MAGI2: variants seen among roughly 807,000 people sequenced by gnomAD.
MAGI2 encodes membrane associated guanylate kinase, WW and PDZ domain containing 2.
A neutral mutation model predicts 133.3 loss-of-function variants in MAGI2; 35 were observed. That is an observed-to-expected ratio of 0.26 (90% CI 0.20 to 0.35). The LOEUF is 0.35. Ranked by LOEUF, MAGI2 falls within the 10% of genes least tolerant of loss-of-function variation. The probability of loss-of-function intolerance (pLI) is 1.00; values close to 1 mark genes in which losing one functional copy is unlikely to be tolerated. For missense variants in MAGI2, 1,636 were observed against 1,863.4 expected (o/e 0.88, Z 2.25); for synonymous variants, 729 against 710.6 (o/e 1.03, Z -0.41).
intron 2 of MAGI2, among the ~76,000 whole-genome samples, chr7:78,906,542 A>G (rs996457278): frequency 6.6e-6 from 1 of 152,206 alleles, no homozygotes; most frequent in Admixed American, 6.5e-5. Flanking sequence ...CTCTACCAAC[A>G]TGGTTTATAA....
chr7:78,115,340 G>C (rs1470511725), intron 20 of MAGI2, among the ~76,000 whole-genome samples: 1 of 151,932 alleles, frequency 6.6e-6, no homozygotes, highest in Admixed American at 6.6e-5. Context: ...AAACTAATAG[G>C]AAAAGAACAA....
chr7:78,489,363 T>G (rs1339844420), intron 6 of MAGI2, among the ~76,000 whole-genome samples: 1 of 152,072 alleles, frequency 6.6e-6, no homozygotes, highest in Non-Finnish European at 1.5e-5. Flanking sequence ...ACTGCTAGAA[T>G]GCTAAGCCTT....
intron 2 of MAGI2, among the ~76,000 whole-genome samples, chr7:78,684,052 A>G (rs1815995339): frequency 6.6e-6 from 1 of 152,178 alleles, no homozygotes; most frequent in South Asian, 2.1e-4. Context: ...GGTTGTTTTC[A>G]TAGCCTTCAT....
rs545151238 is a variant in MAGI2, at chr7:78,224,690, G to A, written c.2048-23497C>T. Among the ~76,000 whole-genome samples, 1,062 of 136,326 alleles carry A rather than the reference G, an allele frequency of 7.8e-3. 4 individuals are homozygous for A. Among genetic ancestry groups the A allele is most frequent in the Middle Eastern group, 0.014 (4 of 284 alleles). The allele number at this position is 136,326 out of a possible 152,430, so 89.4% of individuals were successfully genotyped here. On this transcript the variant is annotated intron_variant, in intron 10 of 21. Transcript: ENST00000354212. Reference sequence around the variant, plus strand: ...CAACAACAACAACAGCAACAACAACGTAAATTTTTTTTTTTTTTTTTCACC... The same window carrying A: ...CAACAACAACAACAGCAACAACAACATAAATTTTTTTTTTTTTTTTTCACC...
In MAGI2 at chr7:78,784,544, C is replaced by T. The variant is rs548436122; in HGVS notation, c.419-157305G>A. ...GACATTTCTCTGACTTAACCTCTTCCGATAGTAGGTCATAAGACCCTGATT... is the reference window on the plus strand; with the variant it reads ...GACATTTCTCTGACTTAACCTCTTCTGATAGTAGGTCATAAGACCCTGATT... On this transcript the variant is annotated intron_variant, in intron 2 of 21. Transcript: ENST00000354212. Among the ~76,000 whole-genome samples the T allele has an allele frequency of 1.8e-4, 27 of 152,250 alleles. No homozygotes were observed. In the Middle Eastern group the frequency reaches 0.01, roughly 58 times the overall value.
intron 1 of MAGI2, among the ~76,000 whole-genome samples, chr7:79,141,920 A>G (rs2129546252): frequency 6.6e-6 from 1 of 152,174 alleles, no homozygotes; most frequent in Non-Finnish European, 1.5e-5. Context: ...ATAATACAAT[A>G]CTTTTATGTA....
chr7:79,329,950 C>T (rs754099981), intron 1 of MAGI2, among the ~76,000 whole-genome samples: 3 of 152,084 alleles, frequency 2.0e-5, no homozygotes, highest in Non-Finnish European at 2.9e-5. Flanking sequence ...AAAGACTAAA[C>T]TTATGCAAAG....
chr7:78,357,194 T>A (rs996461892), intron 7 of MAGI2, among the ~76,000 whole-genome samples: 1 of 152,190 alleles, frequency 6.6e-6, no homozygotes, highest in Admixed American at 6.5e-5. Context: ...AACAATATTT[T>A]TATCACCTAC....
chr7:78,423,233 C>A (rs181676990), intron 6 of MAGI2, among the ~76,000 whole-genome samples: 1 of 152,082 alleles, frequency 6.6e-6, no homozygotes, highest in African/African-American at 2.4e-5. Context: ...ATGAGCCTCA[C>A]GAGATCTGAT....
chr7:79,124,210 C>A (rs766439256), intron 1 of MAGI2, among the ~76,000 whole-genome samples: 1 of 152,006 alleles, frequency 6.6e-6, no homozygotes, highest in Non-Finnish European at 1.5e-5. Context: ...TATAGAAAGG[C>A]CAAGATAACC....
intron 9 of MAGI2, among the ~76,000 whole-genome samples, chr7:78,277,122 TAA>T (rs1244801004): frequency 1.3e-5 from 2 of 152,284 alleles, no homozygotes; most frequent in African/African-American, 2.4e-5. Context: ...ATTTTTGTCA[TAA>T]AAAATAATTT....
chr7:78,838,128 T>A (rs918997961), intron 2 of MAGI2, among the ~76,000 whole-genome samples: 3 of 152,176 alleles, frequency 2.0e-5, no homozygotes, highest in African/African-American at 7.2e-5. Context: ...AACATTCTTA[T>A]AGGAACTTGT....
chr7:78,950,087 C>G (rs535662556), intron 2 of MAGI2, among the ~76,000 whole-genome samples: 1 of 152,074 alleles, frequency 6.6e-6, no homozygotes, highest in Non-Finnish European at 1.5e-5. Flanking sequence ...TCCCCTGCCT[C>G]CCCTCTCTTT....
At chr7:78,722,569 A>G (rs968887649) in intron 2 of MAGI2, among the ~76,000 whole-genome samples, 3 of 152,032 alleles carry the variant, frequency 2.0e-5, no homozygotes, top group Admixed American at 2.0e-4. Context: ...TAGATCTTAA[A>G]TCTCATCATC....
intron 3 of MAGI2, among the ~76,000 whole-genome samples, chr7:78,588,861 C>T (rs545929643): frequency 3.3e-5 from 5 of 152,138 alleles, no homozygotes; most frequent in Non-Finnish European, 7.3e-5. Context: ...GATTTTAGAG[C>T]TGAAAAGCAC....
intron 4 of MAGI2, among the ~76,000 whole-genome samples, 161 bp from the exon 5 acceptor site, chr7:78,501,948 G>A (rs1381957904): frequency 2.6e-5 from 4 of 152,128 alleles, no homozygotes; most frequent in Admixed American, 6.5e-5. Context: ...GCCTATTTGA[G>A]CTCTCCTTTC....
chr7:78,697,516 T>G (rs1016638406), intron 2 of MAGI2, among the ~76,000 whole-genome samples: 1 of 152,206 alleles, frequency 6.6e-6, no homozygotes, highest in Non-Finnish European at 1.5e-5. Flanking sequence ...ATGGATATGC[T>G]ACTAGTATTT....
At chr7:79,086,645 G>A (rs1429985843) in intron 1 of MAGI2, among the ~76,000 whole-genome samples, 1 of 151,678 alleles carries the variant, frequency 6.6e-6, no homozygotes, top group African/African-American at 2.4e-5. Flanking sequence ...CTGCCATTCT[G>A]AAAATGTGAT....
At chr7:78,833,661 C>T (rs527734561) in intron 2 of MAGI2, among the ~76,000 whole-genome samples, 225 of 152,248 alleles carry the variant, frequency 1.5e-3, no homozygotes, top group Non-Finnish European at 2.6e-3. Flanking sequence ...CTCACACAGC[C>T]CTCTCTGTTC....
Sources: allele counts gnomAD v4.1 joint callset (sites outside exome capture counted in the v4.1 genomes callset), GRCh38; gene constraint gnomAD v4.1.1; transcripts MANE v1.5; gene names NCBI Gene and HGNC (gene_info 2026-07-23, HGNC 2026-07-21).